The following FAM222B variants were observed in gnomAD, a reference collection of about 807,000 sequenced individuals.
FAM222B encodes the protein family with sequence similarity 222 member B, also known as protein FAM222B.
In FAM222B, 12 loss-of-function variants were observed where a neutral mutation model predicts 38.0. The ratio of observed to expected loss-of-function variants is 0.32; its 90% CI spans 0.20 to 0.51. The LOEUF is 0.51. Among genes scored for constraint, FAM222B ranks in the 20% least tolerant of loss-of-function variants. The pLI is 0.97. For missense variants in FAM222B, 716 were observed against 754.2 expected (o/e 0.95, Z 0.59); for synonymous variants, 329 against 317.2 (o/e 1.04, Z -0.40).
chr17:28,821,400 A>G (rs1201638933), intron 1 of FAM222B, among the ~76,000 whole-genome samples: 1 of 152,248 alleles, frequency 6.6e-6, no homozygotes, highest in Non-Finnish European at 1.5e-5. Context: ...TTTAGCATTT[A>G]TATCACACTT....
At chr17:28,774,059 G>A (rs1174198167) in intron 1 of FAM222B, among the ~76,000 whole-genome samples, 1 of 152,128 alleles carries the variant, frequency 6.6e-6, no homozygotes, top group Non-Finnish European at 1.5e-5. Context: ...GAGGCCTGGC[G>A]GCTGAGTGGA....
upstream of FAM222B, among the ~76,000 whole-genome samples, chr17:28,845,811 AT>A (rs1772214911): frequency 6.7e-6 from 1 of 148,408 alleles, no homozygotes; most frequent in Non-Finnish European, 1.5e-5. Context: ...GGGACAATCA[AT>A]TGAACCCGGG....
At chr17:28,843,402 G>A (rs1371603055), upstream of FAM222B, among the ~76,000 whole-genome samples, 1 of 148,546 alleles carries the variant, frequency 6.7e-6, no homozygotes, top group African/African-American at 2.5e-5. Flanking sequence ...CTTCTAAAGC[G>A]CTGGGATTAC....
chr17:28,854,817 C>T, intron 1 of FAM222B: 2 of 492,252 alleles, frequency 4.1e-6, no homozygotes, highest in Non-Finnish European at 7.0e-6. Context: ...TATGGGAGTC[C>T]AAAACTACCG....
intron 1 of FAM222B, among the ~76,000 whole-genome samples, chr17:28,822,822 AAAAAAAAAAAATATATATATATAT>A (rs2081702872): frequency 1.0e-5 from 1 of 97,256 alleles, no homozygotes; most frequent in Non-Finnish European, 1.9e-5. Context: ...AAAAAAAAAA[AAAAAAAAAAAATATATATATATAT>A]ATATATATAT....
intron 2 of FAM222B, among the ~76,000 whole-genome samples, chr17:28,764,197 G>A (rs1162117407): frequency 2.0e-5 from 3 of 151,196 alleles, no homozygotes; most frequent in South Asian, 2.1e-4. Flanking sequence ...GCTTAAACCC[G>A]GGAGATGGAG....
At chr17:28,824,783 T>C (rs1175434760) in intron 1 of FAM222B, among the ~76,000 whole-genome samples, 2 of 152,148 alleles carry the variant, frequency 1.3e-5, no homozygotes, top group East Asian at 3.9e-4. Flanking sequence ...CTACAACCCA[T>C]TTCTTTTTGA....
chr17:28,759,239 CG>C lies in FAM222B; in HGVS notation c.719del (p.Pro240ArgfsTer3). 6.2e-7 allele frequency: 1 copy of C among 1,613,464 alleles called. No homozygotes were observed. On this transcript the variant is annotated frameshift_variant, in exon 3 of 3. Coordinates refer to ENST00000581407, the MANE Select transcript of FAM222B (RefSeq NM_001077498.3). LOFTEE classifies it high-confidence loss of function. The surrounding 1 kb of genome is among the most constrained non-coding windows in gnomAD (Gnocchi z 4.8). ...GRKMPDSDAP[P>X]NVTVSTSTIP... ...TAGTTGAGGTAGACACGGTCACATT[CG>C]GGGGGGCATCTGAGTCTGGCATCTT...
At chr17:28,842,463 C>CCACA (rs2152632883) in intron 1 of FAM222B, among the ~76,000 whole-genome samples, 1 of 152,286 alleles carries the variant, frequency 6.6e-6, no homozygotes, top group African/African-American at 2.4e-5. Context: ...CTGCTTCACT[C>CCACA]CACAGCACGC....
intron 2 of FAM222B, among the ~76,000 whole-genome samples, chr17:28,760,854 C>T (rs1247587157): frequency 6.6e-6 from 1 of 152,238 alleles, no homozygotes; most frequent in Admixed American, 6.5e-5. Flanking sequence ...AAGCTGCCAA[C>T]ATCTCTCCCC....
chr17:28,770,204 A>G (rs1230830107), intron 1 of FAM222B, among the ~76,000 whole-genome samples: 1 of 152,192 alleles, frequency 6.6e-6, no homozygotes, highest in African/African-American at 2.4e-5. Context: ...TTTGTTCATT[A>G]TTATATCTAG....
intron 1 of FAM222B, among the ~76,000 whole-genome samples, chr17:28,836,798 G>A (rs1049317778): frequency 2.5e-4 from 38 of 152,080 alleles, no homozygotes; most frequent in African/African-American, 8.5e-4. Flanking sequence ...GGTGGATTTC[G>A]TTTCTGCCTT....
At chr17:28,794,546 A>AC (rs1365643704) in intron 1 of FAM222B, among the ~76,000 whole-genome samples, 1 of 152,014 alleles carries the variant, frequency 6.6e-6, no homozygotes, top group Non-Finnish European at 1.5e-5. Context: ...AAGAGATAAG[A>AC]TTTTGCTTAT....
intron 1 of FAM222B, among the ~76,000 whole-genome samples, chr17:28,787,741 C>T (rs537507520): frequency 6.6e-6 from 1 of 151,544 alleles, no homozygotes; most frequent in African/African-American, 2.4e-5. Context: ...GGTAAACACA[C>T]AGATAAAGAT....
chr17:28,830,886 A>G (rs1406332355), intron 1 of FAM222B, among the ~76,000 whole-genome samples: 2 of 151,758 alleles, frequency 1.3e-5, no homozygotes, highest in African/African-American at 4.8e-5. Context: ...TAATTTTACA[A>G]ATTACATTTA....
chr17:28,764,374 G>T (rs910252848), intron 2 of FAM222B, among the ~76,000 whole-genome samples: 2 of 151,912 alleles, frequency 1.3e-5, no homozygotes, highest in East Asian at 3.8e-4. Context: ...CTTGGGAGGC[G>T]GAGGTTGCAG....
At chr17:28,772,161 C>T (rs142934465) in intron 1 of FAM222B, among the ~76,000 whole-genome samples, 5 of 152,254 alleles carry the variant, frequency 3.3e-5, no homozygotes, top group Non-Finnish European at 5.9e-5. Context: ...AATACTCTGA[C>T]GATGGGGATA....
intron 1 of FAM222B, among the ~76,000 whole-genome samples, chr17:28,842,259 C>G (rs1369640083): frequency 6.6e-6 from 1 of 152,102 alleles, no homozygotes; most frequent in Non-Finnish European, 1.5e-5. Context: ...AAGAGGGTTC[C>G]CGACTCCCAT....
At chr17:28,803,388 C>T (rs570230166) in intron 1 of FAM222B, among the ~76,000 whole-genome samples, 1 of 152,236 alleles carries the variant, frequency 6.6e-6, no homozygotes, top group South Asian at 2.1e-4. Context: ...TCACTGCAAC[C>T]TCGAACTCCT....
Sources: gnomAD v4.1 joint callset for allele counts (sites outside exome capture counted in the v4.1 genomes callset) on GRCh38, gnomAD v4.1.1 for gene constraint, Gnocchi (gnomAD v3.1) non-coding constraint, MANE v1.5 for transcripts, NCBI Gene and HGNC (gene_info 2026-07-23, HGNC 2026-07-21) for gene names.